Variants in C2orf42 observed in about 807,000 individuals in gnomAD.
C2orf42 encodes uncharacterized protein C2orf42.
Under a neutral mutation model 58.9 loss-of-function variants are expected in C2orf42, and 44 were observed. The observed-to-expected ratio is 0.75, with a 90% CI of 0.59 to 0.96. C2orf42 has a LOEUF of 0.96. Among genes scored for constraint, C2orf42 ranks in the 40% least tolerant of loss-of-function variants. C2orf42 has a pLI of 0.00. For synonymous variants in C2orf42, 239 were observed against 265.4 expected (o/e 0.90, Z 0.97); for missense variants, 630 against 699.2 (o/e 0.90, Z 1.12).
intron 9 of C2orf42, among the ~76,000 whole-genome samples, chr2:70,159,311 G>A (rs117471055): frequency 0.026 from 3,917 of 152,104 alleles, 356 homozygotes; most frequent in Admixed American, 0.17. Context: ...TTTAGGGCCC[G>A]GCCTGGTGGC....
chr2:70,172,420 G>A (rs1283116070), intron 5 of C2orf42, among the ~76,000 whole-genome samples: 1 of 151,990 alleles, frequency 6.6e-6, no homozygotes, highest in Non-Finnish European at 1.5e-5. Flanking sequence ...GCTCATGCCT[G>A]TAATCCTAGC....
intron 1 of C2orf42, among the ~76,000 whole-genome samples, chr2:70,189,962 G>T (rs974722158): frequency 6.6e-6 from 1 of 151,714 alleles, no homozygotes; most frequent in Non-Finnish European, 1.5e-5. Context: ...AAAGACGAGA[G>T]ATACACATAT....
rs761985401 is a variant in C2orf42, at chr2:70,181,709, C to T, written c.277G>A (p.Gly93Arg). 2.4e-5 allele frequency: 39 copies of T among 1,613,990 alleles called. No individual in the cohort carries two copies. Among genetic ancestry groups the T allele is most frequent in the South Asian group, 1.4e-4 (13 of 91,078 alleles). Residue 93 changes from glycine (G) to arginine (R), a missense_variant, in exon 3 of 10, where the codon GGG becomes AGG. Transcript: ENST00000264434. ...GPDYRCFVEL[G>R]VSETTIQTVD... Reference sequence around the variant, plus strand: ...GTCTGGATTGTTGTCTCTGAAACCCCGAGCTCCACAAAGCATCGGTAATCA... The same window carrying T: ...GTCTGGATTGTTGTCTCTGAAACCCTGAGCTCCACAAAGCATCGGTAATCA...
intron 5 of C2orf42, among the ~76,000 whole-genome samples, chr2:70,169,994 G>A (rs1167575098): frequency 6.6e-6 from 1 of 151,764 alleles, no homozygotes; most frequent in East Asian, 2.0e-4. Context: ...CCTGACCTCA[G>A]GTGATCCACC....
chr2:70,163,131 G>T (rs907640019), intron 8 of C2orf42, among the ~76,000 whole-genome samples: 3 of 152,066 alleles, frequency 2.0e-5, no homozygotes, highest in African/African-American at 7.2e-5. Flanking sequence ...GCCTCCCAAA[G>T]TGCTGAGATT....
rs1394282687 is a variant in C2orf42, at chr2:70,163,793, T to G, written c.1353+1299A>C. Reference sequence around the variant, plus strand: ...TGAACCTGGGAGGTGGAGGTTACAGTGAGCCGAGATCGTGCCACTGCACTG... The same window carrying G: ...TGAACCTGGGAGGTGGAGGTTACAGGGAGCCGAGATCGTGCCACTGCACTG... On this transcript the variant is annotated intron_variant, in intron 8 of 9. Coordinates refer to ENST00000264434, the MANE Select transcript of C2orf42 (RefSeq NM_017880.3). Among the ~76,000 whole-genome samples, 4 of 152,022 alleles carry G rather than the reference T, an allele frequency of 2.6e-5. No homozygotes were observed. In the South Asian group the frequency reaches 6.2e-4, roughly 24 times the overall value.
chr2:70,163,331 G>A (rs943457863), intron 8 of C2orf42, among the ~76,000 whole-genome samples: 4 of 151,464 alleles, frequency 2.6e-5, no homozygotes, highest in African/African-American at 7.3e-5. Context: ...TGCAAGCTCC[G>A]CCTCCCGGGT....
chr2:70,151,556 C>T (rs1262939656), intron 9 of C2orf42, among the ~76,000 whole-genome samples: 1 of 151,806 alleles, frequency 6.6e-6, no homozygotes, highest in Non-Finnish European at 1.5e-5. Context: ...ATCGCCTGAA[C>T]CCAGGAGGTG....
intron 8 of C2orf42, 55 bp from the exon 9 acceptor site, chr2:70,160,842 C>G (rs1169195193): frequency 8.7e-7 from 1 of 1,151,646 alleles, no homozygotes; most frequent in Non-Finnish European, 1.2e-6. Context: ...TCAAAACAGA[C>G]CAATACCTGG....
At chr2:70,162,290 C>T (rs1016848294) in intron 8 of C2orf42, among the ~76,000 whole-genome samples, 1 of 150,962 alleles carries the variant, frequency 6.6e-6, no homozygotes, top group Non-Finnish European at 1.5e-5. Flanking sequence ...GGATTACAGG[C>T]ATGAGCCACC....
intron 9 of C2orf42, among the ~76,000 whole-genome samples, chr2:70,157,502 A>G (rs1214787954): frequency 6.6e-6 from 1 of 151,422 alleles, no homozygotes; most frequent in African/African-American, 2.4e-5. Context: ...AATAAAATGA[A>G]AAAGCTATAT....
intron 9 of C2orf42, among the ~76,000 whole-genome samples, chr2:70,157,289 C>T (rs2104842923): frequency 6.6e-6 from 1 of 151,746 alleles, no homozygotes; most frequent in African/African-American, 2.4e-5. Flanking sequence ...CCCGTCTCTA[C>T]TAAAAATACA....
At chr2:70,177,333 G>A (rs559076415) in intron 4 of C2orf42, among the ~76,000 whole-genome samples, 33 of 151,464 alleles carry the variant, frequency 2.2e-4, no homozygotes, top group South Asian at 1.7e-3. Flanking sequence ...CCAGCTACTC[G>A]GGAGGCTAAG....
rs183932338 is a variant in C2orf42, at chr2:70,184,200, T to C, written c.-281-1265A>G. On this transcript the variant is annotated intron_variant, in intron 1 of 9. Coordinates refer to ENST00000264434, the MANE Select transcript of C2orf42 (RefSeq NM_017880.3). ...ACTATTCTTATTTGTACTTTCCAATTTGTTAATCAGTGGATAGAAGATGTA... is the reference window on the plus strand; with the variant it reads ...ACTATTCTTATTTGTACTTTCCAATCTGTTAATCAGTGGATAGAAGATGTA... Among the ~76,000 whole-genome samples, 141 of 107,254 alleles carry C rather than the reference T, an allele frequency of 1.3e-3. 2 individuals carry two copies. The East Asian group carries it at 0.037, about 28-fold the overall frequency. 70.4% of individuals were successfully genotyped at this position (107,254 alleles called of 152,430 possible). A position where few individuals can be genotyped will look rare whatever the true frequency, so the allele number is the denominator to read the frequency against.
intron 8 of C2orf42, among the ~76,000 whole-genome samples, chr2:70,161,840 CAAAAAAA>C (rs1172754744): frequency 3.9e-5 from 3 of 77,484 alleles, no homozygotes; most frequent in Admixed American, 2.7e-4. Flanking sequence ...AAGTCCGTGT[CAAAAAAA>C]AAAAAAAAAA....
chr2:70,189,861 TA>T (rs545729870), intron 1 of C2orf42, among the ~76,000 whole-genome samples: 1,777 of 142,820 alleles, frequency 0.012, 11 homozygotes, highest in South Asian at 0.037. Context: ...CCCTGTCTCT[TA>T]AAAAAAAAAA....
At chr2:70,164,196 A>G (rs936494140) in intron 8 of C2orf42, among the ~76,000 whole-genome samples, 13 of 151,820 alleles carry the variant, frequency 8.6e-5, no homozygotes, top group African/African-American at 3.1e-4. Flanking sequence ...CAAGCTACTC[A>G]GGAGGCTGAG....
chr2:70,189,458 C>T (rs1675181400), intron 1 of C2orf42, among the ~76,000 whole-genome samples: 1 of 149,690 alleles, frequency 6.7e-6, no homozygotes, highest in African/African-American at 2.5e-5. Context: ...TGGCTCACGC[C>T]TGTAATCCCA....
At chr2:70,170,862 T>A (rs894170244) in intron 5 of C2orf42, among the ~76,000 whole-genome samples, 1 of 151,936 alleles carries the variant, frequency 6.6e-6, no homozygotes, top group Admixed American at 6.6e-5. Context: ...ACGCCTGTAA[T>A]CCCAGCACTT....
Sources: gnomAD v4.1 joint callset for allele counts (sites outside exome capture counted in the v4.1 genomes callset) on GRCh38, gnomAD v4.1.1 for gene constraint, MANE v1.5 for transcripts, NCBI Gene and HGNC (gene_info 2026-07-23, HGNC 2026-07-21) for gene names.